Variants in PRRX1 observed in about 807,000 individuals in gnomAD.
PRRX1 encodes paired mesoderm homeobox protein 1.
Under a neutral mutation model 24.0 loss-of-function variants are expected in PRRX1, and 8 were observed. The ratio of observed to expected loss-of-function variants is 0.33; its 90% CI spans 0.20 to 0.60. The LOEUF is 0.60. Among genes scored for constraint, PRRX1 ranks in the 20% least tolerant of loss-of-function variants. The pLI, the probability that PRRX1 is intolerant of heterozygous loss-of-function variation, is 0.82. For missense variants in PRRX1, 281 were observed against 322.4 expected (o/e 0.87, Z 0.98); for synonymous variants, 160 against 131.7 (o/e 1.22, Z -1.47).
At chr1:170,668,749 T>A (rs972729913) in intron 1 of PRRX1, 1 of 152,188 alleles carries the variant, frequency 6.6e-6, no homozygotes, top group Non-Finnish European at 1.5e-5. Context: ...GAGTCTCAGC[T>A]TTTGCAACAA....
At chr1:170,678,134 T>C (rs1397047074) in intron 1 of PRRX1, among the ~76,000 whole-genome samples, 1 of 152,228 alleles carries the variant, frequency 6.6e-6, no homozygotes, top group African/African-American at 2.4e-5. Context: ...TTGCCATTCT[T>C]TTGCCAACTT....
At chr1:170,693,844 C>T (rs1004918492) in intron 1 of PRRX1, among the ~76,000 whole-genome samples, 27 of 151,966 alleles carry the variant, frequency 1.8e-4, no homozygotes, top group African/African-American at 5.1e-4. Flanking sequence ...TGAGATGTAG[C>T]GGCAAGGCAA....
chr1:170,675,754 A>G (rs973851018), intron 1 of PRRX1, among the ~76,000 whole-genome samples: 1 of 152,206 alleles, frequency 6.6e-6, no homozygotes, highest in Admixed American at 6.5e-5. Flanking sequence ...GCAAGTGGAG[A>G]TTAAAACATT....
At chr1:170,719,194 G>A (rs138671947) in intron 1 of PRRX1, among the ~76,000 whole-genome samples, 90 of 152,306 alleles carry the variant, frequency 5.9e-4, no homozygotes, top group African/African-American at 2.1e-3. Context: ...GCTTCAAGGA[G>A]AGTTCATGGT....
chr1:170,682,527 G>A (rs1397531542), intron 1 of PRRX1, among the ~76,000 whole-genome samples: 4 of 152,028 alleles, frequency 2.6e-5, no homozygotes, highest in African/African-American at 9.7e-5. Flanking sequence ...GGATTTGTTA[G>A]TATAACAAAG....
intron 1 of PRRX1, among the ~76,000 whole-genome samples, chr1:170,713,171 T>A (rs960536461): frequency 1.3e-5 from 2 of 152,232 alleles, no homozygotes; most frequent in African/African-American, 4.8e-5. Flanking sequence ...ATTCACTTAC[T>A]GAACATTGAT....
At chr1:170,704,971 G>T (rs1382286860) in intron 1 of PRRX1, among the ~76,000 whole-genome samples, 1 of 152,134 alleles carries the variant, frequency 6.6e-6, no homozygotes, top group African/African-American at 2.4e-5. Context: ...TTACCTAGTG[G>T]CTTTGGTCTG....
chr1:170,692,040 C>T lies in PRRX1; in HGVS notation c.241+27581C>T, dbSNP rs546545907. 2.6e-5 allele frequency among the ~76,000 whole-genome samples: 4 copies of T among 152,100 alleles called. No homozygotes were observed. In the East Asian group the frequency reaches 7.7e-4, roughly 29 times the overall value. ...CTGTCCTTTAGGAAACTTAAGAGGT[C>T]ATATATGGGTCTAGAATCTAGACTC... On this transcript the variant is annotated intron_variant, in intron 1 of 3. Coordinates refer to ENST00000239461, the MANE Select transcript of PRRX1 (RefSeq NM_022716.4).
At chr1:170,702,874 A>C (rs900540054) in intron 1 of PRRX1, among the ~76,000 whole-genome samples, 2 of 152,192 alleles carry the variant, frequency 1.3e-5, no homozygotes, top group African/African-American at 4.8e-5. Flanking sequence ...GGATGGGTAG[A>C]TCTATGCAAT....
chr1:170,666,146 C>A (rs1161302799), intron 1 of PRRX1, among the ~76,000 whole-genome samples: 1 of 152,224 alleles, frequency 6.6e-6, no homozygotes, highest in East Asian at 1.9e-4. Flanking sequence ...AGAGTCCAGG[C>A]GCGGTGGCTC....
At chr1:170,735,089 T>G (rs2101928629) in intron 3 of PRRX1, among the ~76,000 whole-genome samples, 1 of 152,308 alleles carries the variant, frequency 6.6e-6, no homozygotes, top group African/African-American at 2.4e-5. Flanking sequence ...AAGTAAAATA[T>G]GTATACTTTT....
At chr1:170,669,999 C>A (rs1283961892) in intron 1 of PRRX1, among the ~76,000 whole-genome samples, 1 of 152,036 alleles carries the variant, frequency 6.6e-6, no homozygotes, top group African/African-American at 2.4e-5. Context: ...CGTGGGGGCT[C>A]GCATTCTCTA....
At position 170,707,690 on chromosome 1, in the gene PRRX1, A is replaced by G. The variant is rs540604933; in HGVS notation, c.242-12036A>G. Among the ~76,000 whole-genome samples, 7 of 152,322 alleles carry G rather than the reference A, an allele frequency of 4.6e-5. No homozygotes were observed. In the South Asian group the frequency reaches 1.4e-3, roughly 32 times the overall value. ...ATTATACCCTGTGCCATTTTAATCA[A>G]ATAGATTAAAGAAAAGAAATAAGAA... is the stretch of plus-strand genomic sequence containing the variant. On this transcript the variant is annotated intron_variant, in intron 1 of 3. Coordinates refer to ENST00000239461, the MANE Select transcript of PRRX1 (RefSeq NM_022716.4).
At chr1:170,707,884 A>T (rs1418242229) in intron 1 of PRRX1, among the ~76,000 whole-genome samples, 5 of 152,214 alleles carry the variant, frequency 3.3e-5, no homozygotes. Context: ...AACCTGAAAA[A>T]AGACCCAAGG....
In PRRX1 at chr1:170,736,546, AT is replaced by A. The variant is rs1655612353; in HGVS notation, c.*361del. On this transcript the variant is annotated 3_prime_UTR_variant, in exon 4 of 4. Coordinates refer to ENST00000239461, the MANE Select transcript of PRRX1 (RefSeq NM_022716.4). ...AAAAACTACAGCAGCCAAAGAAACT[AT>A]ATATATATATATATATATATATATC... The A allele has an allele frequency of 6.7e-5, 1 of 14,820 alleles. No individual in the cohort carries two copies. Among genetic ancestry groups the A allele is most frequent in the Non-Finnish European group, 1.3e-4 (1 of 7,712 alleles). The allele number at this position is 14,820 out of a possible 1,614,324, so 0.9% of individuals were successfully genotyped here.
intron 2 of PRRX1, among the ~76,000 whole-genome samples, chr1:170,721,457 G>A (rs147707818): frequency 6.6e-6 from 1 of 152,284 alleles, no homozygotes; most frequent in African/African-American, 2.4e-5. Context: ...CACAGTGGGA[G>A]ACCACTGTGG....
rs74756517 is a variant in PRRX1, at chr1:170,685,076, A to C, written c.241+20617A>C. Among the ~76,000 whole-genome samples, 469 of 152,286 alleles carry C rather than the reference A, an allele frequency of 3.1e-3. 5 individuals are homozygous for C. Among genetic ancestry groups the C allele is most frequent in the African/African-American group, 0.01 (429 of 41,564 alleles). On this transcript the variant is annotated intron_variant, in intron 1 of 3. Coordinates refer to ENST00000239461, the MANE Select transcript of PRRX1 (RefSeq NM_022716.4). The stretch of plus-strand genomic sequence containing the variant: ...CAATTTAGAACCTACCAGTTTTTTA[A>C]TTTCTTGGCACAGGAAATTTAATCA...
rs529316741 is a variant in PRRX1, at chr1:170,693,280, G to T, written c.242-26446G>T. 5.3e-5 allele frequency among the ~76,000 whole-genome samples: 8 copies of T among 152,164 alleles called. No individual in the cohort carries two copies. The South Asian group carries it at 1.0e-3, about 20-fold the overall frequency. ...GCAAAATAGAAAATGCTGTAGAAAG[G>T]TTCTAAATATACTATAAAGAGTGGA... On this transcript the variant is annotated intron_variant, in intron 1 of 3. Transcript: ENST00000239461.
chr1:170,717,210 T>C (rs1654932573), intron 1 of PRRX1, among the ~76,000 whole-genome samples: 1 of 152,244 alleles, frequency 6.6e-6, no homozygotes, highest in African/African-American at 2.4e-5. Context: ...CTTCAGGTCA[T>C]CATAGCTATT....
Sources: allele counts gnomAD v4.1 joint callset (sites outside exome capture counted in the v4.1 genomes callset), GRCh38; gene constraint gnomAD v4.1.1; transcripts MANE v1.5; gene names NCBI Gene and HGNC (gene_info 2026-07-23, HGNC 2026-07-21).